Variants in PLXNA4 observed in about 807,000 individuals in gnomAD.
The protein encoded by PLXNA4 is plexin-A4.
PLXNA4 carries 44 observed loss-of-function variants against 191.8 expected under a neutral mutation model. That is an observed-to-expected ratio of 0.23 (90% CI 0.18 to 0.29). The LOEUF (loss-of-function observed/expected upper bound fraction) is 0.29, where lower values mean the gene tolerates loss of function less well. PLXNA4 is among the 10% of genes least tolerant of loss of function. The pLI, the probability that PLXNA4 is intolerant of heterozygous loss-of-function variation, is 1.00. For missense variants in PLXNA4, 1,800 were observed against 2,488.8 expected, an observed-to-expected ratio of 0.72 and a Z score of 5.89; for synonymous variants, 1,082 against 1,009.5, an observed-to-expected ratio of 1.07 and a Z score of -1.36.
chr7:132,555,905 G>A (rs553666567), intron 1 of PLXNA4, among the ~76,000 whole-genome samples: 13 of 152,324 alleles, frequency 8.5e-5, no homozygotes, highest in Admixed American at 3.9e-4. Context: ...TTATCAGCAG[G>A]AAATTAAGCA....
At chr7:132,138,106 G>T (rs542001975) in intron 30 of PLXNA4, among the ~76,000 whole-genome samples, 76 of 152,250 alleles carry the variant, frequency 5.0e-4, no homozygotes, top group South Asian at 1.5e-3. Flanking sequence ...AGTTATTGAG[G>T]CTTCCTGAAT....
At chr7:132,214,999 G>A (rs1327055914) in intron 9 of PLXNA4, among the ~76,000 whole-genome samples, 1 of 152,118 alleles carries the variant, frequency 6.6e-6, no homozygotes, top group Non-Finnish European at 1.5e-5. Context: ...TCCCAACCCA[G>A]GTTGCGTCTT....
chr7:132,645,074 G>A (rs964918913), intron 2 of PLXNA4, among the ~76,000 whole-genome samples: 8 of 152,218 alleles, frequency 5.3e-5, no homozygotes, highest in Admixed American at 3.3e-4. Flanking sequence ...TTGCAGAGCT[G>A]AGTGTGGGCC....
intron 3 of PLXNA4, among the ~76,000 whole-genome samples, chr7:132,365,367 GCGCGCA>G (rs1190065431): frequency 1.3e-5 from 2 of 151,800 alleles, no homozygotes; most frequent in African/African-American, 4.8e-5. Flanking sequence ...GTGTGCGTGC[GCGCGCA>G]TGCATGGGGC....
At chr7:132,451,043 A>C (rs1796102785) in intron 3 of PLXNA4, among the ~76,000 whole-genome samples, 1 of 151,984 alleles carries the variant, frequency 6.6e-6, no homozygotes, top group Non-Finnish European at 1.5e-5. Flanking sequence ...ACAAACCCAG[A>C]AGTCCTAGTT....
chr7:132,253,232 CT>C (rs56010775), intron 4 of PLXNA4, among the ~76,000 whole-genome samples: 66,637 of 134,336 alleles, frequency 0.5, 15,757 homozygotes, highest in East Asian at 0.69. Flanking sequence ...TTTCTTTTTT[CT>C]TTTTTTTTTT....
chr7:132,456,780 A>G (rs2117332736), intron 3 of PLXNA4, among the ~76,000 whole-genome samples: 1 of 152,282 alleles, frequency 6.6e-6, no homozygotes, highest in South Asian at 2.1e-4. Flanking sequence ...CTCTCCATTC[A>G]TGCCCAAAGA....
At chr7:132,290,194 T>C (rs2116455829) in intron 4 of PLXNA4, among the ~76,000 whole-genome samples, 1 of 152,328 alleles carries the variant, frequency 6.6e-6, no homozygotes. Flanking sequence ...CCATAAAAGA[T>C]GGCTTTGGTC....
intron 4 of PLXNA4, among the ~76,000 whole-genome samples, chr7:132,269,084 C>T (rs1457724632): frequency 6.6e-6 from 1 of 152,148 alleles, no homozygotes; most frequent in Admixed American, 6.5e-5. Flanking sequence ...TCCTCCCCCA[C>T]CTCTGGCTCT....
intron 4 of PLXNA4, among the ~76,000 whole-genome samples, chr7:132,251,790 G>A (rs1461664986): frequency 6.6e-6 from 1 of 152,192 alleles, no homozygotes; most frequent in Non-Finnish European, 1.5e-5. Flanking sequence ...CTGGACCACA[G>A]GAGACTGTGT....
chr7:132,603,048 C>T (rs1435801264), intron 2 of PLXNA4, among the ~76,000 whole-genome samples: 1 of 152,092 alleles, frequency 6.6e-6, no homozygotes, highest in Non-Finnish European at 1.5e-5. Context: ...CAAAAGTACC[C>T]AGAAAAGAGC....
intron 3 of PLXNA4, among the ~76,000 whole-genome samples, chr7:132,308,629 C>T (rs948999311): frequency 6.6e-6 from 1 of 152,126 alleles, no homozygotes; most frequent in Admixed American, 6.5e-5. Context: ...AACTCTGACA[C>T]TTAGGAACTG....
chr7:132,486,593 C>G (rs1797567074), intron 3 of PLXNA4, among the ~76,000 whole-genome samples: 1 of 152,198 alleles, frequency 6.6e-6, no homozygotes, highest in Non-Finnish European at 1.5e-5. Flanking sequence ...CTGGCTTTCC[C>G]CGGGAGGACC....
At chr7:132,167,129 G>C (rs972122484) in intron 22 of PLXNA4, among the ~76,000 whole-genome samples, 1 of 152,208 alleles carries the variant, frequency 6.6e-6, no homozygotes, top group African/African-American at 2.4e-5. Flanking sequence ...TCTAACTTCA[G>C]ATATGCCAAG....
intron 2 of PLXNA4, among the ~76,000 whole-genome samples, chr7:132,594,830 G>C (rs1802667464): frequency 6.6e-6 from 1 of 152,116 alleles, no homozygotes; most frequent in African/African-American, 2.4e-5. Flanking sequence ...GGAGAAGGTG[G>C]CTACTTCATG....
At chr7:132,207,588 C>A (rs1797667607) in intron 10 of PLXNA4, among the ~76,000 whole-genome samples, 1 of 152,258 alleles carries the variant, frequency 6.6e-6, no homozygotes, top group Non-Finnish European at 1.5e-5. Context: ...CAAGGCCTGT[C>A]CCCGCATAAT....
chr7:132,485,154 C>A, intron 3 of PLXNA4: 4 of 1,248,672 alleles, frequency 3.2e-6, no homozygotes, highest in South Asian at 3.1e-5. Context: ...GAATGTGCAC[C>A]CAGTACCTAT....
intron 24 of PLXNA4, among the ~76,000 whole-genome samples, chr7:132,161,017 C>T (rs538221365): frequency 4.8e-4 from 73 of 152,322 alleles, no homozygotes; most frequent in African/African-American, 1.6e-3. Context: ...CTGCCTCAAG[C>T]GCTCCATGTG....
chr7:132,431,173 C>T (rs1795246406), intron 3 of PLXNA4, among the ~76,000 whole-genome samples: 1 of 152,164 alleles, frequency 6.6e-6, no homozygotes, highest in Admixed American at 6.5e-5. Context: ...ACCCTCGTGC[C>T]CTGCATGGAG....
Sources: gnomAD v4.1 joint callset for allele counts (sites outside exome capture counted in the v4.1 genomes callset) on GRCh38, gnomAD v4.1.1 for gene constraint, MANE v1.5 for transcripts, NCBI Gene and HGNC (gene_info 2026-07-23, HGNC 2026-07-21) for gene names.